The following MYO16 variants were observed in gnomAD, a reference collection of about 807,000 sequenced individuals.
MYO16 encodes myosin XVI.
In MYO16, 94 loss-of-function variants were observed where a neutral mutation model predicts 205.3. The observed-to-expected ratio is 0.46, with a 90% CI of 0.39 to 0.54. The LOEUF (loss-of-function observed/expected upper bound fraction) is 0.54, where lower values mean the gene tolerates loss of function less well. Ranked by LOEUF, MYO16 falls within the 20% of genes least tolerant of loss-of-function variation. MYO16 has a pLI of 0.00. For synonymous variants in MYO16, 988 were observed against 954.0 expected (o/e 1.04, Z -0.66); for missense variants, 2,315 against 2,387.5 (o/e 0.97, Z 0.63).
At position 109,023,968 on chromosome 13, in the gene MYO16, A is replaced by G. The variant is rs1009186565; in HGVS notation, c.2796+4057A>G. Among the ~76,000 whole-genome samples the G allele has an allele frequency of 5.8e-5, 8 of 137,548 alleles. No individual in the cohort carries two copies. The East Asian group carries it at 1.3e-3, about 22-fold the overall frequency. 90.2% of individuals were successfully genotyped at this position (137,548 alleles called of 152,430 possible). On this transcript the variant is annotated intron_variant, in intron 23 of 34. Coordinates refer to ENST00000457511, the MANE Select transcript of MYO16 (RefSeq NM_001198950.3). Reference sequence around the variant, plus strand: ...ATATGTATATAAATATATACTATATATTTCTATATGTATATATTTCTATAT... The same window carrying G: ...ATATGTATATAAATATATACTATATGTTTCTATATGTATATATTTCTATAT...
At chr13:108,712,841 A>G (rs1883777534) in intron 3 of MYO16, 110 bp downstream of exon 3, 1 of 771,204 alleles carries the variant, frequency 1.3e-6, no homozygotes, top group African/African-American at 1.8e-5. Flanking sequence ...GATCAGAAAG[A>G]TGATGTGTTT....
At chr13:109,041,310 T>C (rs1426419589) in intron 23 of MYO16, among the ~76,000 whole-genome samples, 6 of 152,218 alleles carry the variant, frequency 3.9e-5, no homozygotes, top group Non-Finnish European at 8.8e-5. Flanking sequence ...GATTGACATA[T>C]AGGCTAATGC....
intron 28 of MYO16, among the ~76,000 whole-genome samples, chr13:109,119,374 TA>T (rs1269112746): frequency 6.6e-6 from 1 of 152,238 alleles, no homozygotes; most frequent in African/African-American, 2.4e-5. Context: ...AATCTGATTA[TA>T]AACTTATTGC....
At chr13:108,823,376 C>A in intron 9 of MYO16, 98 bp downstream of exon 9, 1 of 1,144,890 alleles carries the variant, frequency 8.7e-7, no homozygotes, top group Non-Finnish European at 1.2e-6. Flanking sequence ...AGAGTTAGAA[C>A]AATTAAAATG....
intron 1 of MYO16, among the ~76,000 whole-genome samples, chr13:108,603,756 C>T (rs1016333772): frequency 4.6e-5 from 7 of 151,554 alleles, no homozygotes; most frequent in African/African-American, 1.7e-4. Flanking sequence ...CCTGTTACAG[C>T]TGACACATAT....
chr13:109,032,467 A>G (rs1197770256), intron 23 of MYO16, among the ~76,000 whole-genome samples: 4 of 152,216 alleles, frequency 2.6e-5, no homozygotes, highest in African/African-American at 9.6e-5. Flanking sequence ...GACAAGGCAA[A>G]GGTGTAAGAA....
intron 27 of MYO16, among the ~76,000 whole-genome samples, chr13:109,061,665 A>G (rs1241063622): frequency 6.6e-6 from 1 of 152,186 alleles, no homozygotes; most frequent in East Asian, 1.9e-4. Flanking sequence ...CACAGCAATG[A>G]TTGCTGACCA....
upstream of MYO16, chr13:108,629,599 A>AAT (rs1879880815): frequency 4.3e-6 from 2 of 465,072 alleles, no homozygotes; most frequent in Non-Finnish European, 3.9e-6. Flanking sequence ...AGGGTGCTAC[A>AAT]ATAGCACGTG....
At chr13:108,880,004 C>T (rs1211219402) in intron 12 of MYO16, among the ~76,000 whole-genome samples, 1 of 152,172 alleles carries the variant, frequency 6.6e-6, no homozygotes, top group Non-Finnish European at 1.5e-5. Context: ...CCTATTTCTC[C>T]ACATCCTCTC....
intron 4 of MYO16, among the ~76,000 whole-genome samples, chr13:108,750,127 A>G (rs1566585788): frequency 6.6e-6 from 1 of 152,248 alleles, no homozygotes; most frequent in Non-Finnish European, 1.5e-5. Flanking sequence ...GAATAGGTGA[A>G]TGAAGCTTAG....
intron 1 of MYO16, among the ~76,000 whole-genome samples, chr13:108,658,161 C>T (rs1881327636): frequency 6.6e-6 from 1 of 152,052 alleles, no homozygotes; most frequent in Admixed American, 6.6e-5. Context: ...TTATCTCTGC[C>T]TTAAAGACAG....
chr13:109,162,712 C>T lies in MYO16; in HGVS notation c.5165-2189C>T, dbSNP rs1878445197. 6.6e-6 allele frequency among the ~76,000 whole-genome samples: 1 copy of T among 152,080 alleles called. No homozygotes were observed. The highest frequency in any genetic ancestry group is 2.1e-4 in the South Asian group (1 of 4,824). On this transcript the variant is annotated intron_variant, in intron 32 of 34. Transcript: ENST00000457511. This position sits in a 1 kb window ranked among gnomAD's most constrained non-coding sequence, Gnocchi z 4.6. The stretch of plus-strand genomic sequence containing the variant: ...TCCCGCACTCAGTGAGTATCTGGCA[C>T]ATAGTAGGCACCCAATAAATAACTG...
At chr13:108,842,506 G>A (rs1396682640) in intron 9 of MYO16, among the ~76,000 whole-genome samples, 1 of 152,022 alleles carries the variant, frequency 6.6e-6, no homozygotes, top group African/African-American at 2.4e-5. Flanking sequence ...ACAGGTATAT[G>A]AAAAGGTACT....
intron 23 of MYO16, among the ~76,000 whole-genome samples, chr13:109,042,310 G>A (rs1175525949): frequency 6.6e-6 from 1 of 152,198 alleles, no homozygotes; most frequent in Non-Finnish European, 1.5e-5. Context: ...GCATGTTTAT[G>A]TTGTGTATTT....
Position 109,140,259 on chromosome 13 carries a change from C to T in MYO16, c.4052-5C>T, listed in dbSNP as rs768210105. On this transcript the variant is annotated splice_polypyrimidine_tract_variant and splice_region_variant and intron_variant, in intron 31 of 34. Coordinates refer to ENST00000457511, the MANE Select transcript of MYO16 (RefSeq NM_001198950.3). The surrounding 1 kb of genome is among the most constrained non-coding windows in gnomAD (Gnocchi z 8.0). ...ACCCACTGACCGCGTCCTTTCCTGC[C>T]GCAGCTCTGGCCCGGCCCAGACCGC... The T allele has an allele frequency of 1.0e-5, 16 of 1,598,158 alleles. No individual in the cohort carries two copies. Among genetic ancestry groups the T allele is most frequent in the Non-Finnish European group, 1.3e-5 (15 of 1,178,652 alleles).
intron 15 of MYO16, among the ~76,000 whole-genome samples, chr13:108,909,608 C>T (rs1881165664): frequency 1.3e-5 from 2 of 151,456 alleles, no homozygotes; most frequent in Admixed American, 1.3e-4. Flanking sequence ...CTTATCAGTG[C>T]CTTTAGTGGG....
chr13:109,000,193 T>C (rs1473239234), intron 21 of MYO16, among the ~76,000 whole-genome samples: 3 of 152,248 alleles, frequency 2.0e-5, no homozygotes, highest in Admixed American at 2.0e-4. Context: ...TGTCCAGCTA[T>C]AAAGCTCCAA....
At position 108,899,291 on chromosome 13, in the gene MYO16, C is replaced by T. The variant is rs113100786; in HGVS notation, c.1777+1158C>T. The stretch of plus-strand genomic sequence containing the variant: ...ATACAAAATTATCCAGGTGTGGTGG[C>T]GCATGCCTGTAATCCCAGCTACTTG... On this transcript the variant is annotated intron_variant, in intron 15 of 34. Transcript: ENST00000457511. 8.3e-3 allele frequency among the ~76,000 whole-genome samples: 1,262 copies of T among 151,986 alleles called. 14 individuals carry two copies. Among genetic ancestry groups the T allele is most frequent in the African/African-American group, 0.029 (1,188 of 41,424 alleles).
At chr13:108,853,370 T>A (rs748249901) in intron 10 of MYO16, among the ~76,000 whole-genome samples, 11 of 152,218 alleles carry the variant, frequency 7.2e-5, no homozygotes, top group Non-Finnish European at 1.0e-4. Context: ...AGTAGATAAT[T>A]CTGACAGCAT....
Sources: allele counts gnomAD v4.1 joint callset (sites outside exome capture counted in the v4.1 genomes callset), GRCh38; gene constraint gnomAD v4.1.1; non-coding constraint Gnocchi (gnomAD v3.1); transcripts MANE v1.5; gene names NCBI Gene and HGNC (gene_info 2026-07-23, HGNC 2026-07-21).